Variants in FLVCR1 observed in about 807,000 individuals in gnomAD.
FLVCR1 encodes the protein choline/ethanolamine transporter FLVCR1.
Under a neutral mutation model 53.6 loss-of-function variants are expected in FLVCR1, and 34 were observed. The ratio of observed to expected loss-of-function variants is 0.63; its 90% CI spans 0.48 to 0.84. FLVCR1 has a LOEUF of 0.84. Ranked by LOEUF, FLVCR1 falls within the 40% of genes least tolerant of loss-of-function variation. FLVCR1 has a pLI of 0.00. For synonymous variants in FLVCR1, 300 were observed against 286.3 expected, an observed-to-expected ratio of 1.05 and a Z score of -0.48; for missense variants, 677 against 696.7, an observed-to-expected ratio of 0.97 and a Z score of 0.32.
At chr1:212,860,235 A>G (rs1259887872) in intron 1 of FLVCR1, among the ~76,000 whole-genome samples, 1 of 152,180 alleles carries the variant, frequency 6.6e-6, no homozygotes, top group Non-Finnish European at 1.5e-5. Flanking sequence ...AAAAGTACAG[A>G]AGATGGAGTA....
rs41300983 is a variant in FLVCR1, at chr1:212,889,298, G to A, written c.1525+41G>A. 12,591 of 1,263,620 alleles carry A rather than the reference G, an allele frequency of 1.0e-2. 82 individuals carry two copies. Among genetic ancestry groups the A allele is most frequent in the Non-Finnish European group, 0.013 (11,127 of 860,826 alleles). 78.3% of individuals were successfully genotyped at this position (1,263,620 alleles called of 1,614,324 possible). ...TGCCTGGCAAAAGGACTTGTGTCAT[G>A]TGTTAATTTTCATATATATTGCTTC... is the stretch of plus-strand genomic sequence containing the variant. On this transcript the variant is annotated intron_variant, in intron 8 of 9. Coordinates refer to ENST00000366971, the MANE Select transcript of FLVCR1 (RefSeq NM_014053.4).
At chr1:212,879,253 T>A (rs1664854574) in intron 3 of FLVCR1, among the ~76,000 whole-genome samples, 1 of 151,982 alleles carries the variant, frequency 6.6e-6, no homozygotes, top group Non-Finnish European at 1.5e-5. Context: ...CTGTGGAGAG[T>A]TCAACAGTAT....
chr1:212,859,019 G>A lies in FLVCR1; in HGVS notation c.567G>A (p.Trp189Ter). ...LGSGLNCLGAWIKCGSVQQHL... is the reference protein window; with the variant it reads ...LGSGLNCLGA ...CCGGCCTCAACTGCCTGGGTGCCTG[G>A]ATCAAGTGCGGCAGTGTGCAGCAGC... Residue 189 changes from tryptophan (W) to a stop codon, truncating the protein, a stop_gained, in exon 1 of 10, where the codon TGG becomes TGA. Coordinates refer to ENST00000366971, the MANE Select transcript of FLVCR1 (RefSeq NM_014053.4). LOFTEE classifies it high-confidence loss of function. The A allele has an allele frequency of 6.2e-7, 1 of 1,612,338 alleles. No homozygotes were observed. Among genetic ancestry groups the A allele is most frequent in the African/African-American group, 1.3e-5 (1 of 75,008 alleles).
intron 2 of FLVCR1, among the ~76,000 whole-genome samples, chr1:212,866,166 G>T (rs1024712968): frequency 3.3e-5 from 5 of 151,950 alleles, no homozygotes; most frequent in Non-Finnish European, 5.9e-5. Context: ...TGTATTTTTA[G>T]TAGAGACGGG....
At chr1:212,887,071 A>T (rs1303721534) in intron 5 of FLVCR1, among the ~76,000 whole-genome samples, 1 of 152,190 alleles carries the variant, frequency 6.6e-6, no homozygotes, top group East Asian at 1.9e-4. Context: ...AAGGCTCAAG[A>T]TATATTTGAT....
intron 3 of FLVCR1, among the ~76,000 whole-genome samples, chr1:212,881,475 A>T (rs1194934250): frequency 2.0e-5 from 3 of 152,012 alleles, no homozygotes; most frequent in Non-Finnish European, 4.4e-5. Flanking sequence ...AGTAGCTGGG[A>T]CTACAGGCGC....
chr1:212,893,070 G>T (rs1356300337), intron 8 of FLVCR1, among the ~76,000 whole-genome samples: 15 of 148,778 alleles, frequency 1.0e-4, no homozygotes, highest in Non-Finnish European at 1.9e-4. Context: ...TTTTTTGGGG[G>T]GGGGTGCCGG....
At chr1:212,864,011 T>C in intron 2 of FLVCR1, 142 bp downstream of exon 2, 1 of 727,010 alleles carries the variant, frequency 1.4e-6, no homozygotes, top group African/African-American at 1.7e-5. Context: ...GCTCAGGTAA[T>C]GAATGCTACA....
rs866798286 is a variant in FLVCR1 at position 212,861,576 on chromosome 1, A to G, written c.739-2149A>G. Among the ~76,000 whole-genome samples, 146 of 152,134 alleles carry G rather than the reference A, an allele frequency of 9.6e-4. 1 individual carries two copies. The highest frequency in any genetic ancestry group is 3.5e-3 in the African/African-American group (144 of 41,418). The stretch of plus-strand genomic sequence containing the variant: ...ATTACGTGGTCTCCCCAGTCTTGGC[A>G]CTGTTTACGTCTCAATCACAGTACT... On this transcript the variant is annotated intron_variant, in intron 1 of 9. Coordinates refer to ENST00000366971, the MANE Select transcript of FLVCR1 (RefSeq NM_014053.4).
At chr1:212,889,973 ACCTGGGACGTG>A (rs1411034881) in intron 8 of FLVCR1, among the ~76,000 whole-genome samples, 1 of 151,526 alleles carries the variant, frequency 6.6e-6, no homozygotes, top group Non-Finnish European at 1.5e-5. Flanking sequence ...AGTGTCTGGC[ACCTGGGACGTG>A]CCTAACATGT....
chr1:212,878,776 G>C (rs12756625), intron 3 of FLVCR1, among the ~76,000 whole-genome samples: 3 of 151,756 alleles, frequency 2.0e-5, no homozygotes, highest in African/African-American at 7.3e-5. Flanking sequence ...CATTGAAAGG[G>C]ATAAAGGGAG....
chr1:212,883,839 CT>C (rs34065564), intron 4 of FLVCR1, among the ~76,000 whole-genome samples: 9,434 of 143,368 alleles, frequency 0.066, 268 homozygotes, highest in East Asian at 0.1. Context: ...TATGAATCTC[CT>C]TTTTTTTTTT....
At position 212,858,918 on chromosome 1, in the gene FLVCR1, GC is replaced by G. The variant is rs1348559101; in HGVS notation, c.468del (p.Tyr157ThrfsTer103). 6.2e-7 allele frequency: 1 copy of G among 1,614,132 alleles called. No homozygotes were observed. Among genetic ancestry groups the G allele is most frequent in the Non-Finnish European group, 8.5e-7 (1 of 1,180,052 alleles). ...IDWLSMVYML[A>X]YVPLIFPATW... ...CTGGCTGTCCATGGTGTACATGCTG[GC>G]CTACGTGCCCCTCATCTTCCCGGCC... is the stretch of plus-strand genomic sequence containing the variant. On this transcript the variant is annotated frameshift_variant, in exon 1 of 10. Transcript: ENST00000366971. LOFTEE classifies it high-confidence loss of function.
At position 212,882,678 on chromosome 1, in the gene FLVCR1, G is replaced by A. The variant is rs144115214; in HGVS notation, c.1025-693G>A. On this transcript the variant is annotated intron_variant, in intron 3 of 9. Transcript: ENST00000366971. ...TAAACTTAAGTTTTAGCTTAATTTA[G>A]GTTAAGAGTCTTACCTAAATTCATA... Among the ~76,000 whole-genome samples the A allele has an allele frequency of 3.7e-3, 562 of 152,138 alleles. 2 individuals are homozygous for A. The highest frequency in any genetic ancestry group is 0.013 in the African/African-American group (539 of 41,492).
intron 1 of FLVCR1, among the ~76,000 whole-genome samples, chr1:212,862,804 A>T (rs1458283680): frequency 6.6e-6 from 1 of 152,220 alleles, no homozygotes; most frequent in African/African-American, 2.4e-5. Flanking sequence ...CACCAGCCGT[A>T]TTCAAGGGTT....
chr1:212,891,569 G>A (rs1448753079), intron 8 of FLVCR1, among the ~76,000 whole-genome samples: 2 of 152,166 alleles, frequency 1.3e-5, no homozygotes, highest in African/African-American at 4.8e-5. Context: ...AAATTAAGAA[G>A]TGAAAATAGA....
chr1:212,860,350 G>GTGTTTTTTTTTTTTTTTTTTTTTTT, intron 1 of FLVCR1, among the ~76,000 whole-genome samples: 1 of 85,824 alleles, frequency 1.2e-5, no homozygotes, highest in East Asian at 4.1e-4. Context: ...TGTGTGTGTG[G>GTGTTTTTTTTTTTTTTTTTTTTTTT]TTTTTTTTTT....
At position 212,898,614 on chromosome 1, in the gene FLVCR1, T is replaced by C. The variant is rs1665402036; in HGVS notation, c.*3324T>C. 3.9e-5 allele frequency: 6 copies of C among 152,228 alleles called. No individual in the cohort carries two copies. In the South Asian group the frequency reaches 1.2e-3, roughly 31 times the overall value. 9.4% of individuals were successfully genotyped at this position (152,228 alleles called of 1,614,324 possible). On this transcript the variant is annotated 3_prime_UTR_variant, in exon 10 of 10. Transcript: ENST00000366971. ...TGACAATGCAAAATGAATTGATAAT[T>C]TTTCTGTATTTTGAGTGAAAGTTGT...
At chr1:212,859,267 T>G in intron 1 of FLVCR1, 77 bp downstream of exon 1, 2 of 1,600,602 alleles carry the variant, frequency 1.2e-6, no homozygotes, top group Non-Finnish European at 1.7e-6. Context: ...AACTATGGCC[T>G]GTATGGATGA....
Sources: gnomAD v4.1 joint callset for allele counts (sites outside exome capture counted in the v4.1 genomes callset) on GRCh38, gnomAD v4.1.1 for gene constraint, MANE v1.5 for transcripts, NCBI Gene and HGNC (gene_info 2026-07-23, HGNC 2026-07-21) for gene names.